Variants in ARHGAP24 observed in about 807,000 individuals in gnomAD.
ARHGAP24 encodes the protein Rho GTPase activating protein 24.
A neutral mutation model predicts 76.4 loss-of-function variants in ARHGAP24; 50 were observed. The ratio of observed to expected loss-of-function variants is 0.65; its 90% CI spans 0.52 to 0.83. The LOEUF (loss-of-function observed/expected upper bound fraction) is 0.83. Ranked by LOEUF, ARHGAP24 falls within the 40% of genes least tolerant of loss-of-function variation. The pLI, the probability that ARHGAP24 is intolerant of heterozygous loss-of-function variation, is 0.00. For missense variants in ARHGAP24, 930 were observed against 914.2 expected, an observed-to-expected ratio of 1.02 and a Z score of -0.22; for synonymous variants, 345 against 323.3, an observed-to-expected ratio of 1.07 and a Z score of -0.72.
intron 3 of ARHGAP24, among the ~76,000 whole-genome samples, chr4:85,769,977 A>AT (rs1220942530): frequency 6.6e-6 from 1 of 152,210 alleles, no homozygotes; most frequent in Non-Finnish European, 1.5e-5. Flanking sequence ...ACTTATGTAT[A>AT]TTGCTTTCCA....
chr4:85,716,273 A>G (rs1724730295), intron 2 of ARHGAP24, among the ~76,000 whole-genome samples: 1 of 152,048 alleles, frequency 6.6e-6, no homozygotes, highest in Non-Finnish European at 1.5e-5. Flanking sequence ...TTTCTTTTTA[A>G]TAGTAATTTT....
At chr4:85,655,036 T>A (rs1402582461) in intron 2 of ARHGAP24, among the ~76,000 whole-genome samples, 1 of 152,228 alleles carries the variant, frequency 6.6e-6, no homozygotes, top group African/African-American at 2.4e-5. Context: ...ATAAAAGAGT[T>A]TGTAAATTAA....
At chr4:85,912,929 T>C (rs777147394) in intron 3 of ARHGAP24, among the ~76,000 whole-genome samples, 4 of 152,082 alleles carry the variant, frequency 2.6e-5, no homozygotes, top group Non-Finnish European at 2.9e-5. Flanking sequence ...GTGAAAGCGA[T>C]TATATGGATT....
At chr4:85,776,802 T>C (rs1328191260) in intron 3 of ARHGAP24, among the ~76,000 whole-genome samples, 18 of 152,192 alleles carry the variant, frequency 1.2e-4, no homozygotes, top group Admixed American at 1.2e-3. Context: ...TAAAACTCTA[T>C]GTCTCCTCAA....
intron 3 of ARHGAP24, among the ~76,000 whole-genome samples, chr4:85,821,002 A>G (rs1309948780): frequency 6.6e-6 from 1 of 152,116 alleles, no homozygotes; most frequent in Non-Finnish European, 1.5e-5. Context: ...CAGTTTACCT[A>G]GTGTTTTATA....
At chr4:85,826,179 A>G (rs1237012832) in intron 3 of ARHGAP24, among the ~76,000 whole-genome samples, 4 of 152,142 alleles carry the variant, frequency 2.6e-5, no homozygotes, top group Non-Finnish European at 4.4e-5. Context: ...CCTCTAAAAA[A>G]TGCTTAAGTA....
intron 2 of ARHGAP24, among the ~76,000 whole-genome samples, chr4:85,663,592 G>T (rs1167951857): frequency 1.3e-4 from 20 of 148,366 alleles, no homozygotes; most frequent in Non-Finnish European, 2.2e-4. Context: ...TCCCTGTCTT[G>T]TGCCAGTTTT....
At chr4:85,699,486 C>A (rs1723988429) in intron 2 of ARHGAP24, among the ~76,000 whole-genome samples, 1 of 152,068 alleles carries the variant, frequency 6.6e-6, no homozygotes. Flanking sequence ...CCTGTAGTCC[C>A]AGCTAGTTGG....
At position 85,994,896 on chromosome 4, in the gene ARHGAP24, A is replaced by G. The variant is rs1414806307; in HGVS notation, c.1242A>G (p.Arg414=). 6.2e-7 allele frequency: 1 copy of G among 1,614,140 alleles called. No individual in the cohort carries two copies. The highest frequency in any genetic ancestry group is 1.1e-5 in the South Asian group (1 of 91,080). ...KNSVHKLDVS[R]SPPLMVKKNP... is the part of the protein sequence containing the mutation. ...GTGTTCACAAGCTAGATGTGTCTAG[A>G]AGCCCCCCTCTCATGGTCAAAAAGA... Residue 414 remains arginine (R), a synonymous_variant, in exon 9 of 10, where the codon AGA becomes AGG. Coordinates refer to ENST00000395184, the MANE Select transcript of ARHGAP24 (RefSeq NM_001025616.3).
chr4:85,993,194 C>G (rs1740439255), intron 8 of ARHGAP24, among the ~76,000 whole-genome samples: 2 of 152,244 alleles, frequency 1.3e-5, no homozygotes, highest in South Asian at 4.1e-4. Context: ...TTCAGAAGCT[C>G]TGCATTGGGT....
chr4:85,994,871 G>A lies in ARHGAP24; in HGVS notation c.1217G>A (p.Ser406Asn), dbSNP rs1258803674. Residue 406 changes from serine (S) to asparagine (N), a missense_variant, in exon 9 of 10, where the codon AGT (serine) becomes AAT (asparagine). Transcript: ENST00000395184. ...AGCAAAACCAACAGCCCAAAGAACAGTGTTCACAAGCTAGATGTGTCTAGA... is the reference window on the plus strand; with the variant it reads ...AGCAAAACCAACAGCCCAAAGAACAATGTTCACAAGCTAGATGTGTCTAGA... ...SGSKTNSPKN[S>N]VHKLDVSRSP... The A allele has an allele frequency of 6.2e-7, 1 of 1,614,026 alleles. No homozygotes were observed. Among genetic ancestry groups the A allele is most frequent in the African/African-American group, 1.3e-5 (1 of 74,902 alleles).
chr4:85,607,359 A>G (rs774946750), intron 2 of ARHGAP24, among the ~76,000 whole-genome samples: 65 of 151,610 alleles, frequency 4.3e-4, no homozygotes, highest in Non-Finnish European at 8.1e-4. Context: ...AAAGAGAGAG[A>G]GAGGGAGGGA....
At chr4:85,548,109 A>T (rs903029678) in intron 1 of ARHGAP24, among the ~76,000 whole-genome samples, 4 of 152,206 alleles carry the variant, frequency 2.6e-5, no homozygotes, top group African/African-American at 9.6e-5. Context: ...TCCCAGATTT[A>T]TCCATTGAAA....
intron 4 of ARHGAP24, among the ~76,000 whole-genome samples, chr4:85,924,113 A>G (rs1023773961): frequency 3.9e-5 from 6 of 152,188 alleles, no homozygotes; most frequent in African/African-American, 1.4e-4. Flanking sequence ...ATATGAAGTA[A>G]GAAATTTATG....
chr4:85,889,901 C>T (rs756965203), intron 3 of ARHGAP24, among the ~76,000 whole-genome samples: 5 of 152,126 alleles, frequency 3.3e-5, no homozygotes, highest in Admixed American at 6.6e-5. Context: ...ATTGACCCTC[C>T]AAGACTTTTA....
chr4:85,534,903 G>T lies in ARHGAP24; in HGVS notation c.-20-35619G>T, dbSNP rs544047141. ...AAAGACACCTGGCTAAGGTCCGTTG[G>T]GCTTCTGTTGACCATATTTACAGTA... is the stretch of plus-strand genomic sequence containing the variant. On this transcript the variant is annotated intron_variant, in intron 1 of 9. Transcript: ENST00000395184. Among the ~76,000 whole-genome samples, 3 of 150,196 alleles carry T rather than the reference G, an allele frequency of 2.0e-5. No individual in the cohort carries two copies. The South Asian group carries it at 6.3e-4, about 32-fold the overall frequency.
intron 3 of ARHGAP24, among the ~76,000 whole-genome samples, chr4:85,848,246 C>CAT (rs1730998896): frequency 6.6e-6 from 1 of 152,090 alleles, no homozygotes; most frequent in Admixed American, 6.6e-5. Flanking sequence ...AGGTTTGTTA[C>CAT]ATATATATAC....
intron 3 of ARHGAP24, among the ~76,000 whole-genome samples, chr4:85,920,329 A>G (rs150205921): frequency 1.5e-4 from 23 of 152,222 alleles, no homozygotes; most frequent in African/African-American, 5.5e-4. Flanking sequence ...AAGCATGATC[A>G]AGATGACTAA....
At chr4:85,932,615 T>G (rs1274588907) in intron 4 of ARHGAP24, among the ~76,000 whole-genome samples, 1 of 152,188 alleles carries the variant, frequency 6.6e-6, no homozygotes, top group East Asian at 1.9e-4. Flanking sequence ...AGGGCACAGC[T>G]TCCATCTATC....
Sources: allele counts gnomAD v4.1 joint callset (sites outside exome capture counted in the v4.1 genomes callset), GRCh38; gene constraint gnomAD v4.1.1; transcripts MANE v1.5; gene names NCBI Gene and HGNC (gene_info 2026-07-23, HGNC 2026-07-21).